ADARB2: variants seen among roughly 807,000 people sequenced by gnomAD.
ADARB2 encodes the protein inactive double-stranded RNA-specific editase B2.
Under a neutral mutation model 62.2 loss-of-function variants are expected in ADARB2, and 25 were observed. That is an observed-to-expected ratio of 0.40 (90% CI 0.29 to 0.56). The LOEUF (loss-of-function observed/expected upper bound fraction) is 0.56. Ranked by LOEUF, ADARB2 falls within the 20% of genes least tolerant of loss-of-function variation. ADARB2 has a pLI of 0.43. For missense variants in ADARB2, 1,071 were observed against 1,077.4 expected (o/e 0.99, Z 0.08); for synonymous variants, 572 against 500.8 (o/e 1.14, Z -1.90).
At chr10:1,662,694 G>A (rs1834265779) in intron 1 of ADARB2, among the ~76,000 whole-genome samples, 1 of 152,206 alleles carries the variant, frequency 6.6e-6, no homozygotes, top group African/African-American at 2.4e-5. Context: ...CTTCCAGCAG[G>A]CCAGAGACAG....
chr10:1,593,908 C>T (rs151154885), intron 1 of ADARB2, among the ~76,000 whole-genome samples: 14 of 152,244 alleles, frequency 9.2e-5, no homozygotes, highest in East Asian at 5.8e-4. Flanking sequence ...ATCTTCTGCC[C>T]GGCCCATCTC....
intron 1 of ADARB2, among the ~76,000 whole-genome samples, chr10:1,645,422 A>T (rs866006224): frequency 6.6e-6 from 1 of 152,356 alleles, no homozygotes; most frequent in Non-Finnish European, 1.5e-5. Context: ...CTGCCCCTGC[A>T]GTGCCATTGC....
intron 1 of ADARB2, among the ~76,000 whole-genome samples, chr10:1,726,963 C>T (rs936571511): frequency 2.0e-5 from 3 of 152,076 alleles, no homozygotes; most frequent in African/African-American, 4.8e-5. Flanking sequence ...TGCTCTCTGG[C>T]GTTTTTAGAA....
intron 1 of ADARB2, among the ~76,000 whole-genome samples, chr10:1,683,193 C>T (rs141436941): frequency 1.6e-4 from 25 of 152,216 alleles, no homozygotes; most frequent in Non-Finnish European, 3.5e-4. Flanking sequence ...GCATTCCTAC[C>T]GAGATAGGTC....
In ADARB2 at chr10:1,363,772, G is replaced by A; in HGVS notation, c.333C>T (p.Cys111=). Residue 111 remains cysteine, a synonymous_variant, in exon 3 of 10, where the codon TGC becomes TGT. Transcript: ENST00000381312. ...GCTTCTTCCAGACCAGCTGCAGTTT[G>A]CACAAGTGGCCCCCATTCCCCTCCT... is the stretch of plus-strand genomic sequence containing the variant. The part of the protein sequence containing the change: ...PLEEGNGGHL[C]KLQLVWKKLS... The A allele has an allele frequency of 1.2e-6, 2 of 1,602,840 alleles. No homozygotes were observed. The highest frequency in any genetic ancestry group is 1.7e-6 in the Non-Finnish European group (2 of 1,179,236).
chr10:1,650,069 T>A (rs7916679), intron 1 of ADARB2, among the ~76,000 whole-genome samples: 1 of 151,944 alleles, frequency 6.6e-6, no homozygotes, highest in African/African-American at 2.4e-5. Flanking sequence ...ACAAGTAGAC[T>A]GTATTTGCTC....
chr10:1,279,586 G>C (rs2805571), intron 3 of ADARB2, among the ~76,000 whole-genome samples: 9,558 of 152,264 alleles, frequency 0.063, 1,010 homozygotes, highest in African/African-American at 0.22. Flanking sequence ...AAAGTGCTGG[G>C]ATTACAGGTG....
chr10:1,191,101 C>A (rs528309927), intron 8 of ADARB2, among the ~76,000 whole-genome samples: 2 of 152,264 alleles, frequency 1.3e-5, no homozygotes, highest in Admixed American at 6.5e-5. Flanking sequence ...GGGCCCCACA[C>A]TCCGCAGAAT....
intron 1 of ADARB2, among the ~76,000 whole-genome samples, chr10:1,528,454 C>T (rs963651154): frequency 6.6e-6 from 1 of 152,224 alleles, no homozygotes; most frequent in African/African-American, 2.4e-5. Flanking sequence ...TCAGGAAGGA[C>T]TTATGGATGC....
intron 2 of ADARB2, among the ~76,000 whole-genome samples, chr10:1,373,046 T>C (rs1176176024): frequency 6.6e-6 from 1 of 152,202 alleles, no homozygotes; most frequent in Non-Finnish European, 1.5e-5. Flanking sequence ...TCAATATTAC[T>C]AAAATGTCCA....
intron 1 of ADARB2, among the ~76,000 whole-genome samples, chr10:1,656,602 G>A (rs1345766064): frequency 2.0e-5 from 3 of 151,826 alleles, no homozygotes; most frequent in Admixed American, 6.6e-5. Context: ...TGTGAATGAC[G>A]CACACTTGTT....
intron 1 of ADARB2, among the ~76,000 whole-genome samples, chr10:1,507,853 G>A (rs1171610728): frequency 2.0e-5 from 3 of 152,208 alleles, no homozygotes; most frequent in Non-Finnish European, 4.4e-5. Context: ...CCCAGTCCTG[G>A]ATTTGACCAT....
chr10:1,273,594 C>T (rs550267860), intron 3 of ADARB2, among the ~76,000 whole-genome samples: 11 of 152,356 alleles, frequency 7.2e-5, no homozygotes, highest in South Asian at 2.1e-4. Context: ...TGTCCGGCCC[C>T]GCCTGTGCCC....
intron 1 of ADARB2, among the ~76,000 whole-genome samples, chr10:1,572,928 G>A (rs894579361): frequency 2.6e-5 from 4 of 152,352 alleles, no homozygotes; most frequent in African/African-American, 9.6e-5. Flanking sequence ...CAGCACTGTA[G>A]GCAGGTCTTT....
In ADARB2 at chr10:1,440,165, T is replaced by C. The variant is rs576999051; in HGVS notation, c.101-61005A>G. ...CAGGACAGAGGCAGGTCCTTCACTA[T>C]GGGGCTTCTGAGTCTCCCCCAGGAT... On this transcript the variant is annotated intron_variant, in intron 1 of 9. Transcript: ENST00000381312. Among the ~76,000 whole-genome samples, 523 of 151,482 alleles carry C rather than the reference T, an allele frequency of 3.5e-3. 2 individuals carry two copies. Among genetic ancestry groups the C allele is most frequent in the Non-Finnish European group, 5.4e-3 (365 of 67,802 alleles).
intron 1 of ADARB2, among the ~76,000 whole-genome samples, chr10:1,548,127 C>T (rs140608778): frequency 2.2e-4 from 33 of 152,244 alleles, no homozygotes; most frequent in East Asian, 1.2e-3. Flanking sequence ...CCTTGGACGC[C>T]GAAGCTCAGG....
chr10:1,526,635 G>A (rs1832148456), intron 1 of ADARB2: 1 of 247,098 alleles, frequency 4.0e-6, no homozygotes, highest in South Asian at 3.3e-5. Context: ...GCTTCCTGGG[G>A]CCTCACCAGA....
Position 1,737,511 on chromosome 10 carries a change from G to T in ADARB2, c.-361C>A. 1 of 254,478 alleles carries T rather than the reference G, an allele frequency of 3.9e-6. No homozygotes were observed. 15.8% of individuals were successfully genotyped at this position (254,478 alleles called of 1,614,324 possible). A position where few individuals can be genotyped will look rare whatever the true frequency, so the allele number is the denominator to read the frequency against. On this transcript the variant is annotated 5_prime_UTR_variant, in exon 1 of 10. Transcript: ENST00000381312. ...CTTTTGCGCCTCTGCTAGTTGTTTG[G>T]CACCAGCCACTTTGAAGCCAATCAC... is the stretch of plus-strand genomic sequence containing the variant.
chr10:1,689,392 C>G (rs1178362491), intron 1 of ADARB2, among the ~76,000 whole-genome samples: 1 of 152,166 alleles, frequency 6.6e-6, no homozygotes, highest in East Asian at 1.9e-4. Flanking sequence ...GTTTCTTTTC[C>G]TTGGTCCTGC....
Sources: allele counts gnomAD v4.1 joint callset (sites outside exome capture counted in the v4.1 genomes callset), GRCh38; gene constraint gnomAD v4.1.1; transcripts MANE v1.5; gene names NCBI Gene and HGNC (gene_info 2026-07-23, HGNC 2026-07-21).